The following ZNF44 variants were observed in gnomAD, a reference collection of about 807,000 sequenced individuals.
The protein encoded by ZNF44 is zinc finger protein 44.
A neutral mutation model predicts 11.7 loss-of-function variants in ZNF44; 9 were observed. The observed-to-expected ratio is 0.77, with a 90% CI of 0.46 to 1.35. The LOEUF is 1.35. Ranked by LOEUF, ZNF44 falls within the 40% of genes most tolerant of loss-of-function variation. The pLI is 0.00. For synonymous variants in ZNF44, 224 were observed against 242.7 expected (o/e 0.92, Z 0.72); for missense variants, 696 against 743.1 (o/e 0.94, Z 0.74).
chr19:12,260,327 C>T (rs1732330675), intron 5 of ZNF44: 1 of 914,484 alleles, frequency 1.1e-6, no homozygotes, highest in Non-Finnish European at 1.8e-6. Context: ...AGCAGAGATC[C>T]GGCCAGCCGA....
At chr19:12,232,242 C>G (rs574873832) in intron 2 of ZNF44, among the ~76,000 whole-genome samples, 16 of 152,354 alleles carry the variant, frequency 1.1e-4, no homozygotes, top group African/African-American at 3.6e-4. Flanking sequence ...GTAGCTAGAA[C>G]GTACAATCGG....
chr19:12,225,855 C>T (rs886483032), downstream of ZNF44, among the ~76,000 whole-genome samples: 1 of 152,150 alleles, frequency 6.6e-6, no homozygotes, highest in East Asian at 1.9e-4. Flanking sequence ...CTATTTATTT[C>T]CTCCGGTGAG....
At chr19:12,242,212 T>TA (rs1242204071), upstream of ZNF44, among the ~76,000 whole-genome samples, 1 of 151,748 alleles carries the variant, frequency 6.6e-6, no homozygotes, top group East Asian at 1.9e-4. Flanking sequence ...TATTTGACCT[T>TA]AAAAAAAATT....
intron 5 of ZNF44, among the ~76,000 whole-genome samples, chr19:12,262,366 G>A (rs1917541948): frequency 6.6e-6 from 1 of 152,022 alleles, no homozygotes; most frequent in African/African-American, 2.4e-5. Flanking sequence ...CGTCTCCCAG[G>A]TTCAAGCAAT....
At chr19:12,271,175 G>C (rs1220238270), downstream of ZNF44, among the ~76,000 whole-genome samples, 2 of 152,156 alleles carry the variant, frequency 1.3e-5, no homozygotes, top group African/African-American at 2.4e-5. Flanking sequence ...CAAGTTGCAA[G>C]TGTTAAAGAT....
At position 12,226,835 on chromosome 19, in the gene ZNF44, G is replaced by C. The variant is rs150593740; in HGVS notation, n.437-308C>G. ...TAATCCCAGCACTTTGGGAGGCCAA[G>C]GTGGGTGGATTACCTGAGGTCAGGA... On this transcript the variant is annotated intron_variant and non_coding_transcript_variant, in intron 3 of 3. Transcript: ENST00000597563. Among the ~76,000 whole-genome samples the C allele has an allele frequency of 2.1e-4, 32 of 152,304 alleles. No individual in the cohort carries two copies. In the East Asian group the frequency reaches 6.2e-3, roughly 29 times the overall value.
chr19:12,247,627 G>A, downstream of ZNF44: 1 of 1,337,658 alleles, frequency 7.5e-7, no homozygotes. Context: ...TTTGCAGTGT[G>A]CATCCTTTCA....
At chr19:12,250,153 A>G in intron 6 of ZNF44, 1 of 1,260,700 alleles carries the variant, frequency 7.9e-7, no homozygotes, top group Non-Finnish European at 1.0e-6. Flanking sequence ...TTGCCTTTTC[A>G]CATTCCACAT....
intron 7 of ZNF44, chr19:12,249,845 C>T (rs1916922830): frequency 1.6e-6 from 1 of 630,000 alleles, no homozygotes. Flanking sequence ...AGCCACTGCG[C>T]TAGCTGGGTT....
At chr19:12,244,219 G>T (rs1420545705), downstream of ZNF44, among the ~76,000 whole-genome samples, 2 of 152,064 alleles carry the variant, frequency 1.3e-5, no homozygotes, top group Non-Finnish European at 2.9e-5. Flanking sequence ...GTCTCCCTAT[G>T]TCGCCCAGGT....
chr19:12,285,522 G>A (rs924351263), intron 1 of ZNF44, among the ~76,000 whole-genome samples: 1 of 152,158 alleles, frequency 6.6e-6, no homozygotes, highest in South Asian at 2.1e-4. Context: ...CCAAAGTGCT[G>A]GGACAACAGG....
rs1449442359 is a variant in ZNF44, at chr19:12,273,383, C to A, written c.872G>T (p.Ser291Ile). The change falls in exon 4 of 4, where the codon AGT (serine) becomes ATT (isoleucine). Residue 291 changes from serine (S) to isoleucine (I), a missense_variant. Ser to Ile is a moderately radical substitution (Grantham distance 142). Coordinates refer to ENST00000355684, the MANE Select transcript of ZNF44 (RefSeq NM_016264.4). ...YKCKQCGKAF[S>I]VSGSLRVHER... ...ATGTACTCGAAGGGAACCGGAAACA[C>A]TGAAGGCTTTCCCACATTGTTTACA... 3 of 1,613,640 alleles carry A rather than the reference C, an allele frequency of 1.9e-6. No homozygotes were observed. Among genetic ancestry groups the A allele is most frequent in the African/African-American group, 1.3e-5 (1 of 74,822 alleles).
intron 1 of ZNF44, among the ~76,000 whole-genome samples, chr19:12,291,543 C>T (rs183262926): frequency 1.6e-4 from 24 of 151,262 alleles, no homozygotes; most frequent in Non-Finnish European, 2.2e-4. Flanking sequence ...ACCAAAAATA[C>T]AAAAATTAGC....
At chr19:12,251,386 CA>C (rs1272038493) in intron 5 of ZNF44, among the ~76,000 whole-genome samples, 1 of 151,522 alleles carries the variant, frequency 6.6e-6, no homozygotes, top group Non-Finnish European at 1.5e-5. Flanking sequence ...CCCAGCTACT[CA>C]GGGGGCTGAG....
In ZNF44 at chr19:12,261,605, G is replaced by C. The variant is rs540512295; in HGVS notation, c.1912+10882C>G. Among the ~76,000 whole-genome samples the C allele has an allele frequency of 1.2e-4, 18 of 152,290 alleles. No individual in the cohort carries two copies. In the South Asian group the frequency reaches 3.5e-3, roughly 30 times the overall value. On this transcript the variant is annotated intron_variant and NMD_transcript_variant, in intron 5 of 7. Transcript: ENST00000393337. ...GATTGCACTACTGCACTCCAGCCTG[G>C]ATGACAGAGCAAGACCATGTCCTCT...
intron 5 of ZNF44, among the ~76,000 whole-genome samples, chr19:12,256,894 G>A (rs1319688902): frequency 6.6e-6 from 1 of 151,858 alleles, no homozygotes; most frequent in Non-Finnish European, 1.5e-5. Flanking sequence ...TTAAAGTAGG[G>A]ACAGGTTTTT....
Position 12,273,941 on chromosome 19 carries a change from C to T in ZNF44, c.314G>A (p.Ser105Asn). 1 of 1,614,172 alleles carries T rather than the reference C, an allele frequency of 6.2e-7. No homozygotes were observed. Among genetic ancestry groups the T allele is most frequent in the East Asian group, 2.2e-5 (1 of 44,882 alleles). The change falls in exon 4 of 4, where the codon AGC becomes AAC. Residue 105 changes from serine to asparagine, a missense_variant. Physicochemically the swap from Ser to Asn is conservative, Grantham distance 46 (BLOSUM62 1). Coordinates refer to ENST00000355684, the MANE Select transcript of ZNF44 (RefSeq NM_016264.4). The part of the protein sequence containing the change: ...NTPARVDACG[S>N]SVNGEVIMGH... ...CATTATGACTTCTCCATTCACACTG[C>T]TTCCACATGCATCTACTCTGGCGGG...
At chr19:12,247,621 C>T, downstream of ZNF44, 1 of 1,335,986 alleles carries the variant, frequency 7.5e-7, no homozygotes, top group Non-Finnish European at 9.9e-7. Flanking sequence ...TGTTTCTTTG[C>T]AGTGTGCATC....
exon 4 of ZNF44, chr19:12,226,481 A>T (rs1245423509): frequency 6.6e-6 from 1 of 152,262 alleles, no homozygotes; most frequent in African/African-American, 2.4e-5. Context: ...AAGGCACACC[A>T]TTCCAGTTAA....
Sources: gnomAD v4.1 joint callset for allele counts (sites outside exome capture counted in the v4.1 genomes callset) on GRCh38, gnomAD v4.1.1 for gene constraint, MANE v1.5 for transcripts, NCBI Gene and HGNC (gene_info 2026-07-23, HGNC 2026-07-21) for gene names.